The following SYT14 variants were observed in gnomAD, a reference collection of about 807,000 sequenced individuals.
The protein encoded by SYT14 is synaptotagmin-14.
In SYT14, 32 loss-of-function variants were observed where a neutral mutation model predicts 74.2. The ratio of observed to expected loss-of-function variants is 0.43; its 90% CI spans 0.33 to 0.58. The LOEUF (loss-of-function observed/expected upper bound fraction) is 0.58. SYT14 is among the 20% of genes least tolerant of loss of function. The pLI is 0.05. For missense variants in SYT14, 791 were observed against 981.8 expected (o/e 0.81, Z 2.60); for synonymous variants, 298 against 337.7 (o/e 0.88, Z 1.29).
At chr1:210,044,430 T>G (rs2080848965) in intron 5 of SYT14, among the ~76,000 whole-genome samples, 2 of 152,238 alleles carry the variant, frequency 1.3e-5, no homozygotes, top group African/African-American at 4.8e-5. Context: ...TTACTCCATT[T>G]TAAGCCACTG....
chr1:209,946,505 A>G (rs1300415821), intron 1 of SYT14, among the ~76,000 whole-genome samples: 2 of 152,246 alleles, frequency 1.3e-5, no homozygotes, highest in Non-Finnish European at 2.9e-5. Flanking sequence ...CTCTAAAGCC[A>G]AAGCCTAATC....
intron 4 of SYT14, among the ~76,000 whole-genome samples, chr1:210,018,297 C>G (rs1013703987): frequency 6.6e-6 from 1 of 152,140 alleles, no homozygotes; most frequent in Non-Finnish European, 1.5e-5. Context: ...CCACGCCCAG[C>G]TAGTTTTTGT....
At chr1:209,990,548 T>TACGTATATATATGTATATATATATAC (rs59238920) in intron 2 of SYT14, among the ~76,000 whole-genome samples, 14 of 68,042 alleles carry the variant, frequency 2.1e-4, no homozygotes, top group Non-Finnish European at 3.4e-4. Context: ...CGTATATATA[T>TACGTATATATATGTATATATATATAC]GTATATATAT....
intron 5 of SYT14, among the ~76,000 whole-genome samples, chr1:210,051,734 T>C (rs939833677): frequency 6.6e-6 from 1 of 152,020 alleles, no homozygotes; most frequent in Admixed American, 6.6e-5. Flanking sequence ...TCTCCTTCCT[T>C]CTTTTTTACA....
intron 5 of SYT14, among the ~76,000 whole-genome samples, chr1:210,085,312 A>G (rs1257852503): frequency 6.6e-6 from 1 of 152,224 alleles, no homozygotes; most frequent in Non-Finnish European, 1.5e-5. Context: ...CATCACAATC[A>G]TCATCTGAGA....
chr1:210,033,061 A>G (rs1226877513), intron 5 of SYT14, among the ~76,000 whole-genome samples: 1 of 151,882 alleles, frequency 6.6e-6, no homozygotes, highest in Non-Finnish European at 1.5e-5. Flanking sequence ...GAAGTCAGTT[A>G]TAATAGCAAA....
At chr1:209,993,082 T>A (rs1266496974) in intron 2 of SYT14, among the ~76,000 whole-genome samples, 4 of 152,138 alleles carry the variant, frequency 2.6e-5, no homozygotes, top group Non-Finnish European at 4.4e-5. Context: ...AGAGACTAAT[T>A]TTCAGATGTT....
chr1:210,021,471 T>G (rs1467895874), intron 5 of SYT14, among the ~76,000 whole-genome samples: 2 of 152,204 alleles, frequency 1.3e-5, no homozygotes, highest in Non-Finnish European at 2.9e-5. Flanking sequence ...CCAAATAATT[T>G]ACGTAATGTG....
chr1:209,976,947 T>A (rs1190959789), intron 2 of SYT14, among the ~76,000 whole-genome samples: 4 of 152,192 alleles, frequency 2.6e-5, no homozygotes, highest in Non-Finnish European at 4.4e-5. Context: ...TTGATCCCTT[T>A]ACCATTATGT....
chr1:210,139,928 A>G (rs965570600), intron 7 of SYT14, among the ~76,000 whole-genome samples: 2 of 152,304 alleles, frequency 1.3e-5, no homozygotes, highest in Admixed American at 1.3e-4. Context: ...TAATGCTGCT[A>G]TGAACATTTG....
chr1:210,012,193 C>T (rs983866858), intron 2 of SYT14, among the ~76,000 whole-genome samples: 1 of 152,150 alleles, frequency 6.6e-6, no homozygotes, highest in African/African-American at 2.4e-5. Flanking sequence ...CCATAACTTC[C>T]AGAAAAGTTT....
intron 5 of SYT14, among the ~76,000 whole-genome samples, chr1:210,050,163 G>A (rs1049177099): frequency 2.0e-5 from 3 of 152,110 alleles, no homozygotes; most frequent in African/African-American, 7.2e-5. Context: ...ACAAAGTCAC[G>A]TCTTGAATGC....
At chr1:209,962,892 T>A (rs2079098135) in intron 2 of SYT14, among the ~76,000 whole-genome samples, 2 of 152,132 alleles carry the variant, frequency 1.3e-5, no homozygotes, top group African/African-American at 4.8e-5. Flanking sequence ...GTCATTTTCT[T>A]CTTCCCTTAT....
chr1:210,082,103 A>G (rs565745276), intron 5 of SYT14, among the ~76,000 whole-genome samples: 2 of 152,374 alleles, frequency 1.3e-5, no homozygotes, highest in East Asian at 3.9e-4. Flanking sequence ...AGTTGTTAGA[A>G]TATTTAAAAG....
intron 5 of SYT14, among the ~76,000 whole-genome samples, chr1:210,052,665 C>CAAAAAAAAAAAAAAA (rs561069342): frequency 0.074 from 3,095 of 41,984 alleles, 573 homozygotes; most frequent in Non-Finnish European, 0.096. Context: ...TACATCTCAC[C>CAAAAAAAAAAAAAAA]AAAAAAAAAA....
intron 2 of SYT14, among the ~76,000 whole-genome samples, chr1:209,990,548 T>TACGTATATATATATATACATATATAC (rs59238920): frequency 7.3e-5 from 5 of 68,060 alleles, no homozygotes; most frequent in Non-Finnish European, 1.5e-4. Flanking sequence ...CGTATATATA[T>TACGTATATATATATATACATATATAC]GTATATATAT....
chr1:210,057,137 G>T (rs892990403), intron 5 of SYT14, among the ~76,000 whole-genome samples: 2 of 152,070 alleles, frequency 1.3e-5, no homozygotes, highest in Non-Finnish European at 2.9e-5. Flanking sequence ...GAGCCACCAC[G>T]CCCGACCCCA....
intron 1 of SYT14, among the ~76,000 whole-genome samples, chr1:209,938,833 T>G (rs888336099): frequency 6.6e-6 from 1 of 152,030 alleles, no homozygotes; most frequent in Non-Finnish European, 1.5e-5. Flanking sequence ...TTTGCTGTTG[T>G]AGGGGGTCCA....
intron 2 of SYT14, among the ~76,000 whole-genome samples, chr1:209,990,563 A>ATGTG (rs2079661353): frequency 1.8e-5 from 2 of 111,560 alleles, no homozygotes; most frequent in African/African-American, 5.9e-5. Flanking sequence ...ATATATACGT[A>ATGTG]TATATATGTA....
Sources: allele counts gnomAD v4.1 joint callset (sites outside exome capture counted in the v4.1 genomes callset), GRCh38; gene constraint gnomAD v4.1.1; transcripts MANE v1.5; gene names NCBI Gene and HGNC (gene_info 2026-07-23, HGNC 2026-07-21).